The following CEP83 variants were observed in gnomAD, a reference collection of about 807,000 sequenced individuals.
CEP83 encodes centrosomal protein 83.
In CEP83, 70 loss-of-function variants were observed where a neutral mutation model predicts 101.9. That is an observed-to-expected ratio of 0.69 (90% CI 0.57 to 0.84). CEP83 has a LOEUF of 0.84. Ranked by LOEUF, CEP83 falls within the 40% of genes least tolerant of loss-of-function variation. The pLI, the probability that CEP83 is intolerant of heterozygous loss-of-function variation, is 0.00. For missense variants in CEP83, 715 were observed against 787.2 expected, an observed-to-expected ratio of 0.91 and a Z score of 1.10; for synonymous variants, 264 against 267.9, an observed-to-expected ratio of 0.99 and a Z score of 0.14.
At chr12:94,453,406 A>G (rs1023383727) in intron 1 of CEP83, among the ~76,000 whole-genome samples, 1 of 152,184 alleles carries the variant, frequency 6.6e-6, no homozygotes, top group South Asian at 2.1e-4. Flanking sequence ...ACATTCCTCA[A>G]TTTTTGTGTA....
At chr12:94,334,804 G>T (rs1268407958) in intron 12 of CEP83, among the ~76,000 whole-genome samples, 1 of 151,944 alleles carries the variant, frequency 6.6e-6, no homozygotes, top group African/African-American at 2.4e-5. Context: ...TTTTTAACTG[G>T]AGTGGCAAAT....
At chr12:94,458,995 A>C (rs953941879) in intron 1 of CEP83, among the ~76,000 whole-genome samples, 2 of 152,216 alleles carry the variant, frequency 1.3e-5, no homozygotes, top group African/African-American at 4.8e-5. Context: ...TTAAAGTCTG[A>C]ACAGATTATG....
intron 1 of CEP83, among the ~76,000 whole-genome samples, chr12:94,450,442 C>A (rs1316516048): frequency 6.6e-6 from 1 of 152,086 alleles, no homozygotes; most frequent in Non-Finnish European, 1.5e-5. Context: ...TTAGTAGAGA[C>A]GGGGTTTCAC....
intron 14 of CEP83, among the ~76,000 whole-genome samples, chr12:94,315,316 C>T (rs2136315528): frequency 6.6e-6 from 1 of 152,200 alleles, no homozygotes; most frequent in African/African-American, 2.4e-5. Flanking sequence ...TTTTAATTTA[C>T]ATTTTCCTGA....
chr12:94,297,153 T>C, the CEP83 span: 95 of 1,611,852 alleles, frequency 5.9e-5, no homozygotes, highest in East Asian at 1.4e-3. Context: ...CTTTTTTTAA[T>C]GGACTGCTTT....
chr12:94,412,136 G>A (rs951033095), intron 3 of CEP83, among the ~76,000 whole-genome samples, 182 bp downstream of exon 3: 20 of 152,062 alleles, frequency 1.3e-4, no homozygotes, highest in Non-Finnish European at 2.9e-4. Flanking sequence ...TAACCCACTT[G>A]ATATCATACT....
At chr12:94,415,534 T>C (rs1280810678) in intron 2 of CEP83, among the ~76,000 whole-genome samples, 1 of 152,090 alleles carries the variant, frequency 6.6e-6, no homozygotes, top group African/African-American at 2.4e-5. Flanking sequence ...GATTTTCTTA[T>C]TGATTGCTCT....
intron 2 of CEP83, among the ~76,000 whole-genome samples, chr12:94,415,104 A>C (rs2064169559): frequency 6.6e-6 from 1 of 152,124 alleles, no homozygotes; most frequent in South Asian, 2.1e-4. Flanking sequence ...ATTATTTCAA[A>C]ATATGAATTT....
intron 4 of CEP83, among the ~76,000 whole-genome samples, chr12:94,404,444 T>C (rs560193797): frequency 6.6e-6 from 1 of 152,276 alleles, no homozygotes; most frequent in African/African-American, 2.4e-5. Context: ...AGAAAAGTGA[T>C]TCTCAAAGGT....
rs201730558 is a variant in CEP83 at position 94,336,123 on chromosome 12, TA to T, written c.1344-460del. Among the ~76,000 whole-genome samples the T allele has an allele frequency of 7.9e-4, 120 of 152,316 alleles. 1 individual carries two copies. The East Asian group carries it at 0.022, about 28-fold the overall frequency. On this transcript the variant is annotated intron_variant, in intron 11 of 16. Coordinates refer to ENST00000397809, the MANE Select transcript of CEP83 (RefSeq NM_016122.3). ...GACACACGCTACTTCATTTTCCTTC[TA>T]ACAAGGCTACAGATTTAAAAGAAAA...
chr12:94,301,888 C>T (rs1362707003), downstream of CEP83, among the ~76,000 whole-genome samples: 1 of 152,170 alleles, frequency 6.6e-6, no homozygotes, highest in Non-Finnish European at 1.5e-5. Context: ...TCCTTCCAAC[C>T]TCTATCCCCA....
At chr12:94,326,148 A>G (rs987896529) in intron 14 of CEP83, among the ~76,000 whole-genome samples, 5 of 152,074 alleles carry the variant, frequency 3.3e-5, no homozygotes, top group African/African-American at 1.2e-4. Context: ...AGATTTTGAG[A>G]GCTTCCGGGC....
intron 1 of CEP83, among the ~76,000 whole-genome samples, chr12:94,435,647 C>T (rs911012348): frequency 6.6e-6 from 1 of 152,200 alleles, no homozygotes; most frequent in African/African-American, 2.4e-5. Flanking sequence ...AGCTGCTCCT[C>T]TCTTGAAATT....
At chr12:94,284,419 G>A in the CEP83 span, among the ~76,000 whole-genome samples, 1 of 152,300 alleles carries the variant, frequency 6.6e-6, no homozygotes, top group South Asian at 2.1e-4. Flanking sequence ...AGTTGGTTAG[G>A]TCAGATCTCT....
chr12:94,428,893 A>C (rs2065405437), intron 2 of CEP83, among the ~76,000 whole-genome samples: 1 of 152,190 alleles, frequency 6.6e-6, no homozygotes, highest in Non-Finnish European at 1.5e-5. Context: ...TTTTCTAAGT[A>C]CCTTTAATAT....
chr12:94,433,334 T>C (rs1286793067), intron 2 of CEP83, among the ~76,000 whole-genome samples: 1 of 151,996 alleles, frequency 6.6e-6, no homozygotes, highest in African/African-American at 2.4e-5. Context: ...TCCAGGAAAG[T>C]AATAATGAGG....
chr12:94,314,780 A>C (rs1206824840), intron 14 of CEP83, among the ~76,000 whole-genome samples: 1 of 152,204 alleles, frequency 6.6e-6, no homozygotes, highest in African/African-American at 2.4e-5. Flanking sequence ...TATCACCATA[A>C]GTATTTATTT....
the CEP83 span, among the ~76,000 whole-genome samples, chr12:94,283,369 G>C: frequency 6.6e-6 from 1 of 152,138 alleles, no homozygotes; most frequent in Non-Finnish European, 1.5e-5. Context: ...GCAATGGAGA[G>C]GGGGAAGGAG....
At chr12:94,269,390 CCA>C in the CEP83 span, among the ~76,000 whole-genome samples, 1 of 152,316 alleles carries the variant, frequency 6.6e-6, no homozygotes, top group East Asian at 1.9e-4. Context: ...CCAGCCTACC[CCA>C]GTCTGTCTCT....
Sources: allele counts gnomAD v4.1 joint callset (sites outside exome capture counted in the v4.1 genomes callset), GRCh38; gene constraint gnomAD v4.1.1; transcripts MANE v1.5; gene names NCBI Gene and HGNC (gene_info 2026-07-23, HGNC 2026-07-21).